KLHL1: variants seen among roughly 807,000 people sequenced by gnomAD.
The protein encoded by KLHL1 is kelch-like protein 1.
KLHL1 carries 47 observed loss-of-function variants against 77.7 expected under a neutral mutation model. The observed-to-expected ratio is 0.60, with a 90% CI of 0.48 to 0.77. KLHL1 has a LOEUF of 0.77. KLHL1 is among the 30% of genes least tolerant of loss of function. The probability of loss-of-function intolerance (pLI) is 0.00; values close to 1 mark genes in which losing one functional copy is unlikely to be tolerated. For synonymous variants in KLHL1, 360 were observed against 325.2 expected (o/e 1.11, Z -1.15); for missense variants, 925 against 910.8 (o/e 1.02, Z -0.20).
intron 6 of KLHL1, among the ~76,000 whole-genome samples, chr13:69,822,951 A>G (rs1227183049): frequency 6.6e-6 from 1 of 151,928 alleles, no homozygotes; most frequent in Non-Finnish European, 1.5e-5. Flanking sequence ...TTATGTTTTT[A>G]TAACAACTTA....
intron 9 of KLHL1, among the ~76,000 whole-genome samples, chr13:69,708,765 G>C (rs981606728): frequency 2.0e-5 from 3 of 151,842 alleles, no homozygotes; most frequent in Non-Finnish European, 4.4e-5. Flanking sequence ...CACAATTGCA[G>C]GTTCAGATAC....
rs78184041 is a variant in KLHL1, at chr13:69,945,979, A to G, written c.818-5743T>C. Among the ~76,000 whole-genome samples the G allele has an allele frequency of 6.7e-3, 1,024 of 152,314 alleles. 5 individuals are homozygous for G. Among genetic ancestry groups the G allele is most frequent in the Non-Finnish European group, 0.011 (733 of 68,026 alleles). ...AATTAGAGTATGCTTATTCAATGGA[A>G]TACTTCATAATAATAAAAATAAAAT... On this transcript the variant is annotated intron_variant, in intron 3 of 10. Coordinates refer to ENST00000377844, the MANE Select transcript of KLHL1 (RefSeq NM_020866.3).
intron 5 of KLHL1, among the ~76,000 whole-genome samples, chr13:69,840,112 G>A (rs1315487239): frequency 1.3e-5 from 2 of 152,162 alleles, no homozygotes; most frequent in East Asian, 1.9e-4. Flanking sequence ...ATGGCAGCAT[G>A]TGACTAATTA....
chr13:69,707,884 GA>G, intron 9 of KLHL1, 88 bp from the exon 10 acceptor site: 4 of 1,109,602 alleles, frequency 3.6e-6, no homozygotes, highest in African/African-American at 3.2e-5. Context: ...AGCCTGTCAT[GA>G]AAAAGGAAAC....
chr13:69,758,134 C>T (rs909061663), intron 7 of KLHL1, among the ~76,000 whole-genome samples: 4 of 151,984 alleles, frequency 2.6e-5, no homozygotes, highest in African/African-American at 9.7e-5. Context: ...AACAATCCAT[C>T]TCTTCTCTCT....
chr13:69,899,471 G>A (rs1881781039), intron 4 of KLHL1, among the ~76,000 whole-genome samples: 1 of 152,154 alleles, frequency 6.6e-6, no homozygotes, highest in African/African-American at 2.4e-5. Flanking sequence ...CTTAAGTAGG[G>A]CCCCTTACAA....
At chr13:69,996,909 AATTTTT>A (rs1885167560) in intron 1 of KLHL1, among the ~76,000 whole-genome samples, 2 of 106,622 alleles carry the variant, frequency 1.9e-5, no homozygotes, top group African/African-American at 3.8e-5. Context: ...TTATTCATTA[AATTTTT>A]TTTTTTTTTT....
intron 4 of KLHL1, among the ~76,000 whole-genome samples, chr13:69,884,034 C>T (rs776761459): frequency 6.6e-6 from 1 of 152,042 alleles, no homozygotes; most frequent in Non-Finnish European, 1.5e-5. Flanking sequence ...GCATTGTGAC[C>T]GTGCTAAACA....
At chr13:69,956,038 A>T (rs998491818) in intron 3 of KLHL1, among the ~76,000 whole-genome samples, 2 of 99,472 alleles carry the variant, frequency 2.0e-5, no homozygotes, top group East Asian at 3.2e-4. Flanking sequence ...ATATATATTT[A>T]TATATATTTG....
chr13:69,778,792 C>CTTTTT (rs1172258314), intron 7 of KLHL1, among the ~76,000 whole-genome samples: 121 of 99,166 alleles, frequency 1.2e-3, no homozygotes, highest in Non-Finnish European at 1.6e-3. Context: ...TATTCCCTCT[C>CTTTTT]TTTTTTTTTT....
chr13:70,066,120 A>G (rs1283010777), intron 1 of KLHL1, among the ~76,000 whole-genome samples: 1 of 152,178 alleles, frequency 6.6e-6, no homozygotes, highest in Non-Finnish European at 1.5e-5. Context: ...AAGCAACACA[A>G]GGGTTTGCAA....
chr13:69,905,534 T>TAAAAAG (rs1882017708), intron 4 of KLHL1, among the ~76,000 whole-genome samples: 2 of 152,036 alleles, frequency 1.3e-5, no homozygotes, highest in African/African-American at 4.8e-5. Context: ...TTCTAGATAT[T>TAAAAAG]AAAAAGTAAG....
chr13:69,984,140 G>A (rs1263471165), intron 1 of KLHL1, among the ~76,000 whole-genome samples: 1 of 152,080 alleles, frequency 6.6e-6, no homozygotes, highest in African/African-American at 2.4e-5. Context: ...GAAAACATAT[G>A]TACAAATAGA....
intron 1 of KLHL1, among the ~76,000 whole-genome samples, chr13:70,066,414 T>C (rs1009322248): frequency 1.3e-5 from 2 of 152,050 alleles, no homozygotes; most frequent in Non-Finnish European, 2.9e-5. Flanking sequence ...ACATGTAGAG[T>C]GCAAATAGAA....
chr13:69,710,917 G>A (rs76087147), intron 9 of KLHL1, among the ~76,000 whole-genome samples: 2,346 of 151,920 alleles, frequency 0.015, 54 homozygotes, highest in African/African-American at 0.053. Flanking sequence ...TGTGAGCTCC[G>A]TATCAGAGAC....
intron 2 of KLHL1, among the ~76,000 whole-genome samples, chr13:69,972,613 T>G (rs1163550514): frequency 1.3e-5 from 2 of 151,894 alleles, no homozygotes; most frequent in African/African-American, 4.8e-5. Flanking sequence ...TTGGCGTATA[T>G]CCTTCAACAC....
rs1433999909 is a variant in KLHL1 at position 69,926,025 on chromosome 13, T to C, written c.1014+14015A>G. 2.0e-5 allele frequency among the ~76,000 whole-genome samples: 3 copies of C among 152,236 alleles called. No individual in the cohort carries two copies. The East Asian group carries it at 5.8e-4, about 29-fold the overall frequency. On this transcript the variant is annotated intron_variant, in intron 4 of 10. Coordinates refer to ENST00000377844, the MANE Select transcript of KLHL1 (RefSeq NM_020866.3). ...AATTAATGTTGGACCTCCTTTCAAG[T>C]CAGTCTATATAGCAAGTTCATTCTC...
At chr13:69,785,081 AC>A (rs1223559121) in intron 7 of KLHL1, among the ~76,000 whole-genome samples, 1 of 150,736 alleles carries the variant, frequency 6.6e-6, no homozygotes, top group East Asian at 2.0e-4. Flanking sequence ...TTTAGTAGAG[AC>A]GGGGTTTCAC....
intron 7 of KLHL1, 127 bp from the exon 8 acceptor site, chr13:69,740,683 T>C: frequency 1.8e-6 from 1 of 566,232 alleles, no homozygotes; most frequent in South Asian, 5.1e-5. Flanking sequence ...AAATTAAAAA[T>C]TGAATAGATT....
Sources: allele counts gnomAD v4.1 joint callset (sites outside exome capture counted in the v4.1 genomes callset), GRCh38; gene constraint gnomAD v4.1.1; transcripts MANE v1.5; gene names NCBI Gene and HGNC (gene_info 2026-07-23, HGNC 2026-07-21).